CDH6: variants seen among roughly 807,000 people sequenced by gnomAD.
CDH6 encodes cadherin 6, also known as cadherin-6.
Under a neutral mutation model 78.0 loss-of-function variants are expected in CDH6, and 31 were observed. The ratio of observed to expected loss-of-function variants is 0.40; its 90% confidence interval spans 0.30 to 0.54. The LOEUF (loss-of-function observed/expected upper bound fraction) is 0.54. Among genes scored for constraint, CDH6 ranks in the 20% least tolerant of loss-of-function variants. CDH6 has a pLI of 0.56. For missense variants in CDH6, 724 were observed against 975.9 expected, an observed-to-expected ratio of 0.74 and a Z score of 3.44; for synonymous variants, 376 against 368.8, an observed-to-expected ratio of 1.02 and a Z score of -0.23.
intron 1 of CDH6, among the ~76,000 whole-genome samples, chr5:31,194,520 C>T (rs963910277): frequency 1.3e-5 from 2 of 152,144 alleles, no homozygotes; most frequent in Admixed American, 6.5e-5. Flanking sequence ...TTGCACGTTC[C>T]GGGCAACGCC....
chr5:31,272,724 C>T (rs968112526), intron 2 of CDH6, among the ~76,000 whole-genome samples: 4 of 152,200 alleles, frequency 2.6e-5, no homozygotes, highest in Admixed American at 2.6e-4. Context: ...TTAACCCCTC[C>T]TTCCACACAA....
chr5:31,266,470 A>G (rs1742357448), intron 1 of CDH6, among the ~76,000 whole-genome samples: 1 of 152,188 alleles, frequency 6.6e-6, no homozygotes, highest in African/African-American at 2.4e-5. Flanking sequence ...ACCAGTTTTA[A>G]CAAATATGCT....
At position 31,299,459 on chromosome 5, in the gene CDH6, C is replaced by T. The variant is rs1434520864; in HGVS notation, c.644-5C>T. ...CCTTTGCACTCTTAAATTTCACATC[C>T]ACAGGTATTATCAAGACAGCTTTGC... On this transcript the variant is annotated splice_polypyrimidine_tract_variant and splice_region_variant and intron_variant, in intron 4 of 11. Coordinates refer to ENST00000265071, the MANE Select transcript of CDH6 (RefSeq NM_004932.4). 3 of 1,605,822 alleles carry T rather than the reference C, an allele frequency of 1.9e-6. No individual in the cohort carries two copies. The highest frequency in any genetic ancestry group is 2.7e-5 in the African/African-American group (2 of 74,650).
chr5:31,311,893 C>T (rs1738168334), intron 7 of CDH6, among the ~76,000 whole-genome samples: 2 of 152,194 alleles, frequency 1.3e-5, no homozygotes, highest in African/African-American at 4.8e-5. Flanking sequence ...AACCATATCA[C>T]ATAGCTATTC....
rs1740211482 is a variant in CDH6, at chr5:31,197,786, T to C, written c.-129+3900T>C. On this transcript the variant is annotated intron_variant, in intron 1 of 11. Transcript: ENST00000265071. ...ATGTTGTTTTCTCCCTTGGGATTTT[T>C]ATTTTATTTTGAAGACAGATGAGTG... Among the ~76,000 whole-genome samples, 4 of 152,236 alleles carry C rather than the reference T, an allele frequency of 2.6e-5. 1 individual carries two copies. The highest frequency in any genetic ancestry group is 2.0e-4 in the Admixed American group (3 of 15,284).
At chr5:31,297,052 C>T (rs1737629253) in intron 3 of CDH6, among the ~76,000 whole-genome samples, 1 of 152,132 alleles carries the variant, frequency 6.6e-6, no homozygotes, top group African/African-American at 2.4e-5. Context: ...GAATCAGTTC[C>T]ACCCCAAGTC....
chr5:31,216,361 G>A (rs1740863261), intron 1 of CDH6, among the ~76,000 whole-genome samples: 1 of 151,998 alleles, frequency 6.6e-6, no homozygotes, highest in African/African-American at 2.4e-5. Context: ...CCTGCAGGCT[G>A]AAAATGGTTT....
intron 1 of CDH6, among the ~76,000 whole-genome samples, chr5:31,199,451 CATATGTGTATATAT>C (rs1740265349): frequency 3.7e-5 from 1 of 26,698 alleles, no homozygotes; most frequent in Non-Finnish European, 1.1e-4. Context: ...TATACACACA[CATATGTGTATATAT>C]ACACACACAT....
chr5:31,316,510 C>G (rs973476672), intron 9 of CDH6, among the ~76,000 whole-genome samples, 181 bp downstream of exon 9: 2 of 152,202 alleles, frequency 1.3e-5, no homozygotes, highest in East Asian at 3.8e-4. Flanking sequence ...TTTCGAAGAA[C>G]TGGAAGTTCA....
chr5:31,266,694 G>T (rs915430892), intron 1 of CDH6, among the ~76,000 whole-genome samples: 1 of 152,012 alleles, frequency 6.6e-6, no homozygotes, highest in Non-Finnish European at 1.5e-5. Context: ...ATATGTATAG[G>T]CTTATCTTTA....
rs1742383528 is a variant in CDH6, at chr5:31,267,101, C to T, written c.-128-245C>T. 1.3e-5 allele frequency among the ~76,000 whole-genome samples: 2 copies of T among 152,124 alleles called. 1 individual carries two copies. Among genetic ancestry groups the T allele is most frequent in the South Asian group, 4.1e-4 (2 of 4,832 alleles). On this transcript the variant is annotated intron_variant, in intron 1 of 11. Coordinates refer to ENST00000265071, the MANE Select transcript of CDH6 (RefSeq NM_004932.4). ...ATTCTGGCACATTGACCTATGGCAA[C>T]ACTATTCCTTAAAATAGGATTTTTA...
In CDH6 at chr5:31,323,149, C is replaced by G. The variant is rs778720220; in HGVS notation, c.2214C>G (p.Tyr738Ter). The change falls in exon 12 of 12, where the codon TAC becomes TAG. Residue 738 changes from tyrosine to a stop codon, truncating the protein, a stop_gained. Coordinates refer to ENST00000265071, the MANE Select transcript of CDH6 (RefSeq NM_004932.4). LOFTEE classifies it high-confidence loss of function. ...TAPPYDSLAT[Y>*]AYEGTGSVAD... ...CGCCATACGACTCCTTGGCCACTTA[C>G]GCCTATGAAGGCACTGGCTCCGTGG... 6.2e-7 allele frequency: 1 copy of G among 1,614,198 alleles called. No individual in the cohort carries two copies. The highest frequency in any genetic ancestry group is 8.5e-7 in the Non-Finnish European group (1 of 1,180,020).
At position 31,267,550 on chromosome 5, in the gene CDH6, A is replaced by C; in HGVS notation, c.77A>C (p.Lys26Thr). Residue 26 changes from lysine (K) to threonine (T), a missense_variant, in exon 2 of 12, where the codon AAG becomes ACG. Transcript: ENST00000265071. The part of the protein sequence containing the change: ...PYPTLSTPLS[K>T]RTSGFPAKKR... ...CCAACTCTCTCAACTCCACTATCAAAGAGGACTAGTGGTTTCCCAGCAAAG... is the reference window on the plus strand; with the variant it reads ...CCAACTCTCTCAACTCCACTATCAACGAGGACTAGTGGTTTCCCAGCAAAG... 1 of 1,614,044 alleles carries C rather than the reference A, an allele frequency of 6.2e-7. No homozygotes were observed. The highest frequency in any genetic ancestry group is 8.5e-7 in the Non-Finnish European group (1 of 1,179,990).
intron 7 of CDH6, among the ~76,000 whole-genome samples, chr5:31,312,945 G>GCACACACACACACACA (rs3028834): frequency 6.7e-6 from 1 of 149,202 alleles, no homozygotes; most frequent in African/African-American, 2.5e-5. Flanking sequence ...ATGCATACAA[G>GCACACACACACACACA]CACACACACA....
intron 11 of CDH6, among the ~76,000 whole-genome samples, chr5:31,321,004 G>C (rs902018677): frequency 6.7e-6 from 1 of 149,928 alleles, no homozygotes. Flanking sequence ...AAACTGTGCT[G>C]TATGTTCATA....
At chr5:31,253,209 G>A (rs1741956375) in intron 1 of CDH6, among the ~76,000 whole-genome samples, 1 of 152,156 alleles carries the variant, frequency 6.6e-6, no homozygotes, top group Non-Finnish European at 1.5e-5. Context: ...ATCTTGAATT[G>A]TAGTTCCCAT....
chr5:31,313,168 T>C, intron 7 of CDH6, 150 bp from the exon 8 acceptor site: 2 of 553,206 alleles, frequency 3.6e-6, no homozygotes, highest in Non-Finnish European at 6.3e-6. Flanking sequence ...TGTCAGGTTG[T>C]AGATATTCAA....
chr5:31,295,374 A>T (rs1737555414), intron 3 of CDH6, among the ~76,000 whole-genome samples: 1 of 152,208 alleles, frequency 6.6e-6, no homozygotes. Context: ...TTCATGAAGA[A>T]TAGTCTCTTC....
At position 31,325,121 on chromosome 5, in the gene CDH6, T is replaced by C. The variant is rs189019850; in HGVS notation, c.*1813T>C. The C allele has an allele frequency of 1.1e-3, 256 of 225,764 alleles. 2 individuals are homozygous for C. The highest frequency in any genetic ancestry group is 2.7e-4 in the Non-Finnish European group (31 of 113,356). 14.0% of individuals were successfully genotyped at this position (225,764 alleles called of 1,614,324 possible). On this transcript the variant is annotated 3_prime_UTR_variant, in exon 12 of 12. Transcript: ENST00000265071. ...AGGTGTATTACCCAAGAAGTAAAGA[T>C]GGAAACGTTAAAAGAAGAGAAATGT...
Sources: allele counts gnomAD v4.1 joint callset (sites outside exome capture counted in the v4.1 genomes callset), GRCh38; gene constraint gnomAD v4.1.1; transcripts MANE v1.5; gene names NCBI Gene and HGNC (gene_info 2026-07-23, HGNC 2026-07-21).